The following ZNF521 variants were observed in gnomAD, a reference collection of about 807,000 sequenced individuals.
ZNF521 encodes the protein zinc finger protein 521.
A neutral mutation model predicts 105.5 loss-of-function variants in ZNF521; 14 were observed. That is an observed-to-expected ratio of 0.13 (90% CI 0.09 to 0.21). The LOEUF is 0.21. ZNF521 is among the 10% of genes least tolerant of loss of function. ZNF521 has a pLI of 1.00. For missense variants in ZNF521, 1,233 were observed against 1,629.7 expected, an observed-to-expected ratio of 0.76 and a Z score of 4.19; for synonymous variants, 635 against 606.0, an observed-to-expected ratio of 1.05 and a Z score of -0.70.
intron 6 of ZNF521, among the ~76,000 whole-genome samples, chr18:25,091,469 C>T (rs1447673185): frequency 6.6e-6 from 1 of 151,798 alleles, no homozygotes; most frequent in Admixed American, 6.6e-5. Flanking sequence ...ATCTGTTTTC[C>T]ATGTCAGAGA....
Position 25,224,662 on chromosome 18 carries a change from T to C in ZNF521, c.3256A>G (p.Asn1086Asp), listed in dbSNP as rs761331865. The C allele has an allele frequency of 6.2e-7, 1 of 1,614,148 alleles. No individual in the cohort carries two copies. Among genetic ancestry groups the C allele is most frequent in the South Asian group, 1.1e-5 (1 of 91,082 alleles). ...SKQDLVKLDI[N>D]GLPYGLCAGC... ...GCACACAGACCATATGGCAGGCCATTGATATCAAGTTTCACCAGATCTTGC... is the reference window on the plus strand; with the variant it reads ...GCACACAGACCATATGGCAGGCCATCGATATCAAGTTTCACCAGATCTTGC... The change falls in exon 4 of 8, where the codon AAT becomes GAT. Residue 1086 changes from asparagine (N) to aspartate (D), a missense_variant. By Grantham distance (23) the Asn-to-Asp change is conservative. Around this residue, in one of 6 missense-constraint regions of ZNF521, gnomAD observed 614 missense variants for 751.5 expected, o/e 0.82. Coordinates refer to ENST00000361524, the MANE Select transcript of ZNF521 (RefSeq NM_015461.3).
chr18:25,322,612 A>G (rs1388500672), intron 2 of ZNF521, among the ~76,000 whole-genome samples: 1 of 152,004 alleles, frequency 6.6e-6, no homozygotes, highest in Non-Finnish European at 1.5e-5. Context: ...TTTCACGGGA[A>G]ATTACCAGAA....
At chr18:25,104,320 G>C (rs2034028525) in intron 5 of ZNF521, among the ~76,000 whole-genome samples, 1 of 152,142 alleles carries the variant, frequency 6.6e-6, no homozygotes, top group Non-Finnish European at 1.5e-5. Flanking sequence ...TAAAATATCT[G>C]TCAATGGCCT....
At chr18:25,238,802 T>A (rs1228271301) in intron 3 of ZNF521, among the ~76,000 whole-genome samples, 1 of 152,176 alleles carries the variant, frequency 6.6e-6, no homozygotes. Flanking sequence ...GACCAACTGC[T>A]TGAACTGCCT....
Position 25,330,701 on chromosome 18 carries a change from C to T in ZNF521, c.41-8514G>A, listed in dbSNP as rs368046240. 7.3e-4 allele frequency among the ~76,000 whole-genome samples: 111 copies of T among 152,232 alleles called. 1 individual carries two copies. The highest frequency in any genetic ancestry group is 2.5e-3 in the African/African-American group (105 of 41,532). On this transcript the variant is annotated intron_variant, in intron 2 of 7. Transcript: ENST00000361524. ...AACCATTAGTTTAAGTAAGTTAACA[C>T]GATTTTACTTGGAGTTCATGATTCT...
At chr18:25,156,807 T>TCTCATAGTC (rs2035153318) in intron 5 of ZNF521, among the ~76,000 whole-genome samples, 1 of 152,102 alleles carries the variant, frequency 6.6e-6, no homozygotes, top group Non-Finnish European at 1.5e-5. Flanking sequence ...AGACAAAACA[T>TCTCATAGTC]CTCATAGTCT....
At chr18:25,208,650 A>G (rs1384906898) in intron 4 of ZNF521, among the ~76,000 whole-genome samples, 2 of 152,014 alleles carry the variant, frequency 1.3e-5, no homozygotes, top group African/African-American at 4.8e-5. Context: ...GTCACTGCTT[A>G]TAATTATCAA....
At chr18:25,160,659 A>G (rs1206164803) in intron 5 of ZNF521, among the ~76,000 whole-genome samples, 2 of 152,178 alleles carry the variant, frequency 1.3e-5, no homozygotes, top group Non-Finnish European at 2.9e-5. Flanking sequence ...TGTTCTTTAC[A>G]GCACTTTGTA....
At chr18:25,075,148 C>T (rs529809653) in intron 7 of ZNF521, among the ~76,000 whole-genome samples, 3 of 152,246 alleles carry the variant, frequency 2.0e-5, no homozygotes, top group South Asian at 2.1e-4. Flanking sequence ...GGCCAGGCAA[C>T]GGGAGGCCTC....
intron 3 of ZNF521, among the ~76,000 whole-genome samples, chr18:25,277,618 G>T (rs543337051): frequency 1.3e-5 from 2 of 152,266 alleles, no homozygotes; most frequent in South Asian, 4.2e-4. Context: ...TTATCTTTCT[G>T]TGAGGAACAC....
chr18:25,222,420 G>A (rs926693013), intron 4 of ZNF521, among the ~76,000 whole-genome samples: 7 of 152,006 alleles, frequency 4.6e-5, no homozygotes, highest in Non-Finnish European at 8.8e-5. Flanking sequence ...TATAATTACA[G>A]CAATTTATAA....
At chr18:25,212,678 C>A (rs990482187) in intron 4 of ZNF521, among the ~76,000 whole-genome samples, 1 of 149,710 alleles carries the variant, frequency 6.7e-6, no homozygotes, top group African/African-American at 2.5e-5. Context: ...CTTCCTATAA[C>A]TTCCACGAAC....
Position 25,226,785 on chromosome 18 carries a change from G to A in ZNF521, c.1133C>T (p.Pro378Leu), listed in dbSNP as rs759119283. The A allele has an allele frequency of 1.2e-6, 2 of 1,614,070 alleles. No individual in the cohort carries two copies. The highest frequency in any genetic ancestry group is 1.1e-5 in the South Asian group (1 of 91,068). ...STMVEAAPPI[P>L]KSRGRKRAAQ... ...GGCCCTCTTCCTCCCTCGACTCTTT[G>A]GGATTGGCGGGGCAGCTTCCACCAT... The change falls in exon 4 of 8, where the codon CCA (proline) becomes CTA (leucine). Residue 378 changes from proline (P) to leucine (L), a missense_variant. Physicochemically the swap from Pro to Leu is moderately conservative, Grantham distance 98 (BLOSUM62 -3). Around this residue, in one of 6 missense-constraint regions of ZNF521, gnomAD observed 380 missense variants for 478.0 expected, o/e 0.80. Transcript: ENST00000361524. This position sits in a 1 kb window ranked among gnomAD's most constrained non-coding sequence, Gnocchi z 4.1.
At chr18:25,151,805 C>A (rs1044750557) in intron 5 of ZNF521, among the ~76,000 whole-genome samples, 5 of 152,114 alleles carry the variant, frequency 3.3e-5, no homozygotes, top group African/African-American at 9.7e-5. Flanking sequence ...TAGAAAAGCC[C>A]CCCAAAAATA....
chr18:25,132,591 G>A (rs34122643), intron 5 of ZNF521, among the ~76,000 whole-genome samples: 22,284 of 152,092 alleles, frequency 0.15, 1,726 homozygotes, highest in Middle Eastern at 0.23. Flanking sequence ...AAGGCTCCCA[G>A]TAGTGATTCC....
At chr18:25,310,489 A>C (rs916209068) in intron 3 of ZNF521, among the ~76,000 whole-genome samples, 3 of 149,686 alleles carry the variant, frequency 2.0e-5, no homozygotes, top group Non-Finnish European at 4.5e-5. Flanking sequence ...AATATATTTC[A>C]AAGATGATAT....
chr18:25,249,753 T>C (rs1907984971), intron 3 of ZNF521, among the ~76,000 whole-genome samples: 1 of 152,144 alleles, frequency 6.6e-6, no homozygotes. Flanking sequence ...TGAGCCACCA[T>C]TCCTGGTCTT....
chr18:25,143,545 T>C (rs2034890165), intron 5 of ZNF521, among the ~76,000 whole-genome samples: 2 of 152,326 alleles, frequency 1.3e-5, no homozygotes, highest in Admixed American at 1.3e-4. Context: ...AAGTTCACCA[T>C]CATTTTAAAA....
At chr18:25,339,231 T>G (rs571641554) in intron 2 of ZNF521, among the ~76,000 whole-genome samples, 1 of 152,332 alleles carries the variant, frequency 6.6e-6, no homozygotes, top group South Asian at 2.1e-4. Context: ...AGACTGTTAG[T>G]TCCATGAAAC....
Sources: gnomAD v4.1 joint callset for allele counts (sites outside exome capture counted in the v4.1 genomes callset) on GRCh38, gnomAD v4.1.1 for gene constraint, gnomAD v4.1.1 regional missense constraint, Gnocchi (gnomAD v3.1) non-coding constraint, MANE v1.5 for transcripts, NCBI Gene and HGNC (gene_info 2026-07-23, HGNC 2026-07-21) for gene names.